The following ESYT2 variants were observed in gnomAD, a reference collection of about 807,000 sequenced individuals.
ESYT2 encodes the protein extended synaptotagmin-2.
A neutral mutation model predicts 107.2 loss-of-function variants in ESYT2; 54 were observed. The ratio of observed to expected loss-of-function variants is 0.50; its 90% confidence interval spans 0.40 to 0.63. The LOEUF (loss-of-function observed/expected upper bound fraction) is 0.63, where lower values mean the gene tolerates loss of function less well. Among genes scored for constraint, ESYT2 ranks in the 30% least tolerant of loss-of-function variants. ESYT2 has a pLI of 0.00. For synonymous variants in ESYT2, 491 were observed against 434.1 expected (o/e 1.13, Z -1.63); for missense variants, 1,020 against 1,094.5 (o/e 0.93, Z 0.96).
At chr7:158,748,871 C>T (rs970836489) in intron 15 of ESYT2, among the ~76,000 whole-genome samples, 8 of 151,736 alleles carry the variant, frequency 5.3e-5, no homozygotes, top group Non-Finnish European at 1.2e-4. Flanking sequence ...AGGCACGTGC[C>T]ACCATGCCCA....
intron 9 of ESYT2, among the ~76,000 whole-genome samples, 161 bp from the exon 10 acceptor site, chr7:158,763,326 G>A (rs951791948): frequency 1.3e-5 from 2 of 151,746 alleles, no homozygotes; most frequent in African/African-American, 4.8e-5. Context: ...ATGGAGTCTC[G>A]CTCTATCTCC....
chr7:158,776,704 A>G (rs1838577564), intron 6 of ESYT2, among the ~76,000 whole-genome samples: 2 of 152,182 alleles, frequency 1.3e-5, no homozygotes, highest in Non-Finnish European at 2.9e-5. Context: ...TTTCCTTATC[A>G]CTGGTGTGTT....
intron 1 of ESYT2, among the ~76,000 whole-genome samples, chr7:158,812,947 G>A (rs922690962): frequency 3.9e-5 from 6 of 152,202 alleles, no homozygotes; most frequent in African/African-American, 7.2e-5. Flanking sequence ...GTGTGACCAC[G>A]AATGGGCACA....
In ESYT2 at chr7:158,749,674, A is replaced by C. The variant is rs1322279977; in HGVS notation, c.1532T>G (p.Val511Gly). 6.2e-7 allele frequency: 1 copy of C among 1,614,000 alleles called. No individual in the cohort carries two copies. The highest frequency in any genetic ancestry group is 8.5e-7 in the Non-Finnish European group (1 of 1,180,024). Residue 511 changes from valine (V) to glycine (G), a missense_variant, in exon 15 of 23, where the codon GTT becomes GGT. Coordinates refer to ENST00000275418, the MANE Select transcript of ESYT2 (RefSeq NM_001367773.1). Reference sequence around the variant, plus strand: ...CTTGCTCTCCTGGGCCTTGTGCCCAACTGACATCTGGACAACAGGATTTGG... The same window carrying C: ...CTTGCTCTCCTGGGCCTTGTGCCCACCTGACATCTGGACAACAGGATTTGG... ...SNPNPVVQMSVGHKAQESKIR... is the reference protein window; with the variant it reads ...SNPNPVVQMSGGHKAQESKIR...
chr7:158,801,323 T>C (rs983096035), intron 1 of ESYT2, among the ~76,000 whole-genome samples: 1 of 152,222 alleles, frequency 6.6e-6, no homozygotes, highest in Non-Finnish European at 1.5e-5. Flanking sequence ...CTTAGTAGTG[T>C]TATCCCAAGG....
Position 158,761,487 on chromosome 7 carries a change from G to A in ESYT2, c.1233+9C>T, listed in dbSNP as rs1563633552. On this transcript the variant is annotated intron_variant, in intron 11 of 22. Coordinates refer to ENST00000275418, the MANE Select transcript of ESYT2 (RefSeq NM_001367773.1). Reference sequence around the variant, plus strand: ...ATTGTAAACAGACCCACACTCCAGGGAAACTTACTTCATCTAAAAGGCGCT... The same window carrying A: ...ATTGTAAACAGACCCACACTCCAGGAAAACTTACTTCATCTAAAAGGCGCT... 15 of 1,613,946 alleles carry A rather than the reference G, an allele frequency of 9.3e-6. No homozygotes were observed. In the South Asian group the frequency reaches 1.4e-4, roughly 15 times the overall value.
chr7:158,738,142 C>T (rs6967423), intron 19 of ESYT2, among the ~76,000 whole-genome samples: 35,809 of 151,548 alleles, frequency 0.24, 5,092 homozygotes, highest in East Asian at 0.59. Flanking sequence ...GGTGAAACCC[C>T]GTGTCTACTA....
intron 8 of ESYT2, among the ~76,000 whole-genome samples, chr7:158,765,154 G>A (rs1033104666): frequency 6.6e-6 from 1 of 151,960 alleles, no homozygotes; most frequent in East Asian, 1.9e-4. Flanking sequence ...ACAGCCCCAC[G>A]CAGCCCCAGA....
intron 1 of ESYT2, among the ~76,000 whole-genome samples, chr7:158,823,662 T>C (rs1003122672): frequency 2.6e-5 from 4 of 152,116 alleles, no homozygotes; most frequent in African/African-American, 9.7e-5. Context: ...TATTGAGACA[T>C]AATTCACATA....
chr7:158,749,275 T>C (rs1275465966), intron 15 of ESYT2, among the ~76,000 whole-genome samples: 1 of 151,952 alleles, frequency 6.6e-6, no homozygotes, highest in Non-Finnish European at 1.5e-5. Flanking sequence ...CCCGGCACCA[T>C]GCCCGACTAA....
intron 1 of ESYT2, among the ~76,000 whole-genome samples, chr7:158,826,484 T>A (rs1840448831): frequency 6.6e-6 from 1 of 152,026 alleles, no homozygotes; most frequent in Admixed American, 6.6e-5. Context: ...ATTAAAAACT[T>A]GAAAAGAATC....
chr7:158,735,010 CTA>C (rs1173543907), intron 21 of ESYT2, among the ~76,000 whole-genome samples: 2 of 152,192 alleles, frequency 1.3e-5, no homozygotes, highest in East Asian at 3.8e-4. Context: ...TAAAATTCAG[CTA>C]TGACGGAATA....
intron 1 of ESYT2, among the ~76,000 whole-genome samples, chr7:158,805,122 C>T (rs1404728432): frequency 1.3e-5 from 2 of 152,182 alleles, no homozygotes; most frequent in African/African-American, 4.8e-5. Context: ...GTCCCCACAG[C>T]TGGGCTGCTG....
intron 1 of ESYT2, among the ~76,000 whole-genome samples, chr7:158,801,884 A>C (rs1317946391): frequency 6.6e-6 from 1 of 152,220 alleles, no homozygotes; most frequent in African/African-American, 2.4e-5. Flanking sequence ...AAATATACAA[A>C]GACAGAACAT....
At chr7:158,741,989 T>G in intron 17 of ESYT2, 93 bp from the exon 18 acceptor site, 1 of 1,431,788 alleles carries the variant, frequency 7.0e-7, no homozygotes, top group Non-Finnish European at 9.3e-7. Context: ...CTGCAAAAAT[T>G]TCTTTAAAAC....
rs1837470759 is a variant in ESYT2, at chr7:158,748,244, T to C, written c.1594A>G (p.Asn532Asp). 1.2e-6 allele frequency: 2 copies of C among 1,614,066 alleles called. No individual in the cohort carries two copies. The highest frequency in any genetic ancestry group is 1.3e-5 in the African/African-American group (1 of 74,938). The change falls in exon 16 of 23, where the codon AAC becomes GAC. Residue 532 changes from asparagine (N) to aspartate (D), a missense_variant. Physicochemically the swap from Asn to Asp is conservative, Grantham distance 23. Coordinates refer to ENST00000275418, the MANE Select transcript of ESYT2 (RefSeq NM_001367773.1). ...YKTNEPVWEE[N>D]FTFFIHNPKR... is the part of the protein sequence containing the mutation. ...GGATTGTGAATGAAGAAAGTGAAGTTTTCCTCCCACACAGGTTCATTGGTT... is the reference window on the plus strand; with the variant it reads ...GGATTGTGAATGAAGAAAGTGAAGTCTTCCTCCCACACAGGTTCATTGGTT...
intron 6 of ESYT2, among the ~76,000 whole-genome samples, chr7:158,782,247 ATGAG>A (rs1838887618): frequency 6.8e-6 from 1 of 147,072 alleles, no homozygotes; most frequent in African/African-American, 2.5e-5. Flanking sequence ...ACGAGTGAGA[ATGAG>A]TGAACAAGTA....
In ESYT2 at chr7:158,799,039, G is replaced by A. The variant is rs1345663131; in HGVS notation, c.364C>T (p.Leu122=). The part of the protein sequence containing the change: ...HFPDTERAEW[L]NKTVKHMWPF... Reference sequence around the variant, plus strand: ...GTATACTCTAATCTTACCTTATTTAGCCATTCTGCTCTTTCAGTGTCTGGA... The same window carrying A: ...GTATACTCTAATCTTACCTTATTTAACCATTCTGCTCTTTCAGTGTCTGGA... The change falls in exon 2 of 23, where the codon CTA becomes TTA. Residue 122 remains leucine, a synonymous_variant. Transcript: ENST00000275418. 1.2e-6 allele frequency: 2 copies of A among 1,613,436 alleles called. No individual in the cohort carries two copies. Among genetic ancestry groups the A allele is most frequent in the Non-Finnish European group, 1.7e-6 (2 of 1,179,502 alleles).
In ESYT2 at chr7:158,819,602, TC is replaced by T. The variant is rs1277645340; in HGVS notation, c.330+9486del. Among the ~76,000 whole-genome samples the T allele has an allele frequency of 4.6e-5, 7 of 152,298 alleles. No homozygotes were observed. In the East Asian group the frequency reaches 1.3e-3, roughly 29 times the overall value. ...ACATATCATTAAAACATTAACAAAA[TC>T]CACGGAAATGTTGCCAATGTAATGT... is the stretch of plus-strand genomic sequence containing the variant. On this transcript the variant is annotated intron_variant, in intron 1 of 22. Coordinates refer to ENST00000275418, the MANE Select transcript of ESYT2 (RefSeq NM_001367773.1).
Sources: allele counts gnomAD v4.1 joint callset (sites outside exome capture counted in the v4.1 genomes callset), GRCh38; gene constraint gnomAD v4.1.1; transcripts MANE v1.5; gene names NCBI Gene and HGNC (gene_info 2026-07-23, HGNC 2026-07-21).